Variants in SOX6 observed in about 807,000 individuals in gnomAD.
SOX6 encodes the protein transcription factor SOX-6.
A neutral mutation model predicts 97.8 loss-of-function variants in SOX6; 11 were observed. That is an observed-to-expected ratio of 0.11 (90% CI 0.07 to 0.19). SOX6 has a LOEUF of 0.19. Ranked by LOEUF, SOX6 falls within the 10% of genes least tolerant of loss-of-function variation. The pLI is 1.00. For synonymous variants in SOX6, 360 were observed against 371.4 expected, an observed-to-expected ratio of 0.97 and a Z score of 0.35; for missense variants, 810 against 1,039.5, an observed-to-expected ratio of 0.78 and a Z score of 3.04.
intron 3 of SOX6, among the ~76,000 whole-genome samples, chr11:16,263,772 T>C (rs1018928903): frequency 2.0e-5 from 3 of 151,800 alleles, no homozygotes; most frequent in Non-Finnish European, 2.9e-5. Context: ...ACTTCAAACA[T>C]ACCAAAATTG....
At chr11:16,442,136 G>A (rs990166684) in intron 1 of SOX6, among the ~76,000 whole-genome samples, 1 of 152,132 alleles carries the variant, frequency 6.6e-6, no homozygotes, top group African/African-American at 2.4e-5. Flanking sequence ...CTGTAAAGGA[G>A]CAGAGATTAA....
intron 3 of SOX6, among the ~76,000 whole-genome samples, chr11:16,235,942 G>A (rs759911181): frequency 2.0e-4 from 30 of 152,064 alleles, no homozygotes; most frequent in Non-Finnish European, 3.7e-4. Context: ...GGAAGGGATA[G>A]AATCCAGATC....
chr11:16,521,557 C>A (rs994069574), intron 4 of SOX6, among the ~76,000 whole-genome samples: 5 of 152,156 alleles, frequency 3.3e-5, no homozygotes, highest in Non-Finnish European at 7.3e-5. Flanking sequence ...AAACTGGAAA[C>A]TCTAAAAAGC....
chr11:15,989,162 T>C lies in SOX6; in HGVS notation c.1801A>G (p.Thr601Ala), dbSNP rs1853962219. 1.2e-6 allele frequency: 2 copies of C among 1,614,040 alleles called. No homozygotes were observed. Among genetic ancestry groups the C allele is most frequent in the African/African-American group, 1.3e-5 (1 of 74,938 alleles). ...CTGTAGACTCGTGCTTCAGCCACAG[T>C]GGCACCTCCTGTTGGCCAACAATAA... Reference protein sequence around the residue: ...QYYCWPTGGATVAEARVYRDA... With the variant: ...QYYCWPTGGAAVAEARVYRDA... Residue 601 changes from threonine to alanine, a missense_variant, in exon 14 of 16, where the codon ACT becomes GCT. Coordinates refer to ENST00000683767, the MANE Select transcript of SOX6 (RefSeq NM_001367873.1).
At chr11:16,363,641 T>G (rs1857266880) in intron 1 of SOX6, among the ~76,000 whole-genome samples, 1 of 152,000 alleles carries the variant, frequency 6.6e-6, no homozygotes, top group Non-Finnish European at 1.5e-5. Context: ...AAAAACAGGT[T>G]AAAACTTTAT....
chr11:16,545,517 A>T (rs1250421178), intron 4 of SOX6, among the ~76,000 whole-genome samples: 1 of 152,204 alleles, frequency 6.6e-6, no homozygotes, highest in Non-Finnish European at 1.5e-5. Flanking sequence ...TGAATGGGGG[A>T]AAGCTGAAAG....
At position 16,449,661 on chromosome 11, in the gene SOX6, C is replaced by A. The variant is rs551087736; in HGVS notation, c.-5+26654G>T. 2.6e-5 allele frequency among the ~76,000 whole-genome samples: 4 copies of A among 152,254 alleles called. 1 individual carries two copies. The South Asian group carries it at 6.2e-4, about 24-fold the overall frequency. ...CTGCCATGTATAAGCAGACATACAT[C>A]TCCACAACAGAGCCATGAAGATCAT... On this transcript the variant is annotated intron_variant, in intron 1 of 15. Coordinates refer to the SOX6 transcript ENST00000396356.
chr11:16,238,629 T>C (rs1020865671), intron 3 of SOX6, among the ~76,000 whole-genome samples: 2 of 152,062 alleles, frequency 1.3e-5, no homozygotes, highest in Non-Finnish European at 2.9e-5. Context: ...GTATTTCAGA[T>C]AGATCAAAAA....
chr11:16,132,505 A>AG (rs1554934088), intron 6 of SOX6, among the ~76,000 whole-genome samples: 1 of 86,152 alleles, frequency 1.2e-5, no homozygotes. Flanking sequence ...AGAAAGAAAG[A>AG]AAGCTTATCT....
intron 3 of SOX6, 73 bp downstream of exon 3, chr11:16,318,372 CT>C (rs34820506): frequency 0.14 from 175,748 of 1,284,116 alleles, 69 homozygotes; most frequent in Non-Finnish European, 0.14. Flanking sequence ...TGAAATCCCA[CT>C]TTTTTTTTTT....
chr11:16,201,393 T>C (rs1273741832), intron 4 of SOX6, among the ~76,000 whole-genome samples: 1 of 151,882 alleles, frequency 6.6e-6, no homozygotes, highest in African/African-American at 2.4e-5. Context: ...GGAATAAATT[T>C]ATGTAGCTGG....
chr11:16,682,152 A>C (rs1198905170), intron 3 of SOX6, among the ~76,000 whole-genome samples: 5 of 152,240 alleles, frequency 3.3e-5, no homozygotes, highest in Admixed American at 3.3e-4. Flanking sequence ...TGGTAGAGAC[A>C]CAACAAAAAA....
At chr11:16,404,846 C>T (rs543559827) in intron 1 of SOX6, among the ~76,000 whole-genome samples, 1 of 152,078 alleles carries the variant, frequency 6.6e-6, no homozygotes, top group South Asian at 2.1e-4. Context: ...CAACCTGAAA[C>T]TCTGTGGCAT....
At chr11:16,395,705 T>C (rs1042191980) in intron 1 of SOX6, among the ~76,000 whole-genome samples, 1 of 151,646 alleles carries the variant, frequency 6.6e-6, no homozygotes, top group African/African-American at 2.4e-5. Flanking sequence ...GAATGGTAGG[T>C]GGGGTTTTCC....
At chr11:16,122,741 G>C (rs538726374) in intron 6 of SOX6, among the ~76,000 whole-genome samples, 1 of 152,112 alleles carries the variant, frequency 6.6e-6, no homozygotes, top group African/African-American at 2.4e-5. Context: ...TCTCTCAAGG[G>C]CTCTGTAAAA....
chr11:16,250,214 T>C (rs1196825507), intron 3 of SOX6, among the ~76,000 whole-genome samples: 1 of 152,198 alleles, frequency 6.6e-6, no homozygotes, highest in African/African-American at 2.4e-5. Context: ...AGATCTATAC[T>C]GTGCTCTCCT....
At chr11:16,352,296 AT>A (rs1856969979) in intron 1 of SOX6, among the ~76,000 whole-genome samples, 6 of 151,722 alleles carry the variant, frequency 4.0e-5, no homozygotes. Flanking sequence ...GGATGGATGG[AT>A]GGAAGGATGG....
intron 9 of SOX6, among the ~76,000 whole-genome samples, chr11:16,083,259 C>T (rs1411338148): frequency 6.6e-6 from 1 of 151,960 alleles, no homozygotes; most frequent in African/African-American, 2.4e-5. Context: ...TCTTAGTGTG[C>T]CCAAAATAGA....
chr11:16,641,285 A>G (rs1330098634), intron 3 of SOX6, among the ~76,000 whole-genome samples: 1 of 152,048 alleles, frequency 6.6e-6, no homozygotes, highest in South Asian at 2.1e-4. Context: ...AGTTTGTTTT[A>G]ATTTCTGTTC....
Sources: allele counts gnomAD v4.1 joint callset (sites outside exome capture counted in the v4.1 genomes callset), GRCh38; gene constraint gnomAD v4.1.1; transcripts MANE v1.5; gene names NCBI Gene and HGNC (gene_info 2026-07-23, HGNC 2026-07-21).